LRCH3: variants seen among roughly 807,000 people sequenced by gnomAD.
LRCH3 encodes leucine rich repeats and calponin homology domain containing 3, also known as DISP complex protein LRCH3.
Under a neutral mutation model 104.5 loss-of-function variants are expected in LRCH3, and 68 were observed. The ratio of observed to expected loss-of-function variants is 0.65; its 90% CI spans 0.54 to 0.80. The LOEUF is 0.80. Ranked by LOEUF, LRCH3 falls within the 30% of genes least tolerant of loss-of-function variation. The probability of loss-of-function intolerance (pLI) is 0.00; values close to 1 mark genes in which losing one functional copy is unlikely to be tolerated. For synonymous variants in LRCH3, 344 were observed against 361.3 expected (o/e 0.95, Z 0.54); for missense variants, 951 against 953.9 (o/e 1.00, Z 0.04).
Position 197,835,690 on chromosome 3 carries a change from T to A in LRCH3, c.1119T>A (p.Asp373Glu). Residue 373 changes from aspartate to glutamate, a missense_variant, in exon 9 of 21, where the codon GAT becomes GAA. Physicochemically the swap from Asp to Glu is conservative, Grantham distance 45. Transcript: ENST00000425562. ...TGTATACAGTGGAACATGATCTGGATCAGATTGACTACATAGACAGCTGCA... is the reference window on the plus strand; with the variant it reads ...TGTATACAGTGGAACATGATCTGGAACAGATTGACTACATAGACAGCTGCA... The part of the protein sequence containing the change: ...VTNGGVEHDL[D>E]QIDYIDSCTA... 1 of 1,613,512 alleles carries A rather than the reference T, an allele frequency of 6.2e-7. No homozygotes were observed. The highest frequency in any genetic ancestry group is 8.5e-7 in the Non-Finnish European group (1 of 1,179,826).
At chr3:197,880,953 C>A in intron 20 of LRCH3, 1 of 1,387,418 alleles carries the variant, frequency 7.2e-7, no homozygotes, top group East Asian at 2.8e-5. Context: ...GTCATCCGTC[C>A]ATTCTCCTGG....
At chr3:197,832,737 T>C (rs1292011443) in intron 8 of LRCH3, among the ~76,000 whole-genome samples, 1 of 151,768 alleles carries the variant, frequency 6.6e-6, no homozygotes, top group Non-Finnish European at 1.5e-5. Flanking sequence ...AATTGTCAGA[T>C]GCTCTTCAAA....
intron 4 of LRCH3, 52 bp from the exon 5 acceptor site, chr3:197,826,826 C>A (rs1735256328): frequency 6.2e-7 from 1 of 1,602,592 alleles, no homozygotes; most frequent in Non-Finnish European, 8.5e-7. Flanking sequence ...TGTAAAAATT[C>A]TCTAGTTGTA....
intron 15 of LRCH3, among the ~76,000 whole-genome samples, chr3:197,862,135 A>G (rs144267050): frequency 0.027 from 4,081 of 152,206 alleles, 90 homozygotes; most frequent in East Asian, 0.058. Context: ...AGCTGCGATT[A>G]CAGGCGCATG....
At chr3:197,793,429 C>T (rs1197079433) in intron 1 of LRCH3, among the ~76,000 whole-genome samples, 2 of 152,142 alleles carry the variant, frequency 1.3e-5, no homozygotes, top group East Asian at 1.9e-4. Context: ...CTCAGATTTC[C>T]TGCTTCTGTT....
chr3:197,833,955 C>G (rs1397084433), intron 8 of LRCH3, among the ~76,000 whole-genome samples: 1 of 152,176 alleles, frequency 6.6e-6, no homozygotes, highest in Non-Finnish European at 1.5e-5. Context: ...AACTTAGAAC[C>G]TTTTCATCTT....
rs531324205 is a variant in LRCH3, at chr3:197,882,237, C to G, written c.2209-1304C>G. The G allele has an allele frequency of 8.1e-6, 8 of 985,322 alleles. No homozygotes were observed. The South Asian group carries it at 3.3e-4, about 41-fold the overall frequency. 61.0% of individuals were successfully genotyped at this position (985,322 alleles called of 1,614,324 possible). A position where few individuals can be genotyped will look rare whatever the true frequency, so the allele number is the denominator to read the frequency against. On this transcript the variant is annotated intron_variant, in intron 20 of 20. Transcript: ENST00000425562. The stretch of plus-strand genomic sequence containing the variant: ...TAGGGCGCTGCTGAGAGGAAGAGAC[C>G]AGGGAATCAGCCTTGGAGAAAGCAC...
intron 10 of LRCH3, among the ~76,000 whole-genome samples, chr3:197,844,702 C>T (rs1408920975): frequency 6.6e-6 from 1 of 152,124 alleles, no homozygotes; most frequent in Non-Finnish European, 1.5e-5. Context: ...ACTGCAACCT[C>T]CACCTCCCAG....
At chr3:197,814,122 G>A (rs1222895004) in intron 1 of LRCH3, among the ~76,000 whole-genome samples, 2 of 152,110 alleles carry the variant, frequency 1.3e-5, no homozygotes, top group East Asian at 1.9e-4. Flanking sequence ...AAAGACAGAC[G>A]TGAAACTGGG....
chr3:197,843,813 T>C (rs1419930922), intron 10 of LRCH3, among the ~76,000 whole-genome samples: 1 of 152,232 alleles, frequency 6.6e-6, no homozygotes, highest in Admixed American at 6.5e-5. Flanking sequence ...TTCCACACTT[T>C]TTCGGGAGAG....
chr3:197,877,510 A>T (rs1402658392), intron 20 of LRCH3, among the ~76,000 whole-genome samples: 2 of 73,536 alleles, frequency 2.7e-5, no homozygotes, highest in Non-Finnish European at 2.6e-5. Flanking sequence ...TCTTTACCCA[A>T]CTCACCGCAC....
At chr3:197,864,561 G>A (rs1265637865) in intron 15 of LRCH3, among the ~76,000 whole-genome samples, 2 of 147,172 alleles carry the variant, frequency 1.4e-5, no homozygotes, top group Non-Finnish European at 3.0e-5. Context: ...GGTGAGCTGA[G>A]ATCGTGCCAT....
chr3:197,878,723 C>A (rs942492797), intron 20 of LRCH3, among the ~76,000 whole-genome samples: 1 of 152,188 alleles, frequency 6.6e-6, no homozygotes, highest in Non-Finnish European at 1.5e-5. Flanking sequence ...AACGCACAAA[C>A]TCGTAGGTTC....
At chr3:197,826,021 G>C (rs1455648390) in intron 4 of LRCH3, among the ~76,000 whole-genome samples, 1 of 152,038 alleles carries the variant, frequency 6.6e-6, no homozygotes, top group African/African-American at 2.4e-5. Context: ...TAAAATACCT[G>C]TTTCTTCTGA....
chr3:197,880,876 AC>A, intron 20 of LRCH3: 1 of 1,440,044 alleles, frequency 6.9e-7, no homozygotes, highest in East Asian at 2.5e-5. Flanking sequence ...GCAGATGAGC[AC>A]CCCCTCACAT....
intron 1 of LRCH3, among the ~76,000 whole-genome samples, chr3:197,812,522 T>TTTTTTTTTTTTTTTTTTTTTG: frequency 7.3e-6 from 1 of 136,982 alleles, no homozygotes; most frequent in Admixed American, 7.7e-5. Context: ...TTTTTTTTTT[T>TTTTTTTTTTTTTTTTTTTTTG]TTTTTTTTAG....
chr3:197,799,595 G>T (rs1416068099), intron 1 of LRCH3, among the ~76,000 whole-genome samples: 1 of 152,086 alleles, frequency 6.6e-6, no homozygotes, highest in Admixed American at 6.5e-5. Context: ...GGCTAGGCGC[G>T]GTGGCTCATG....
Position 197,888,074 on chromosome 3 carries a change from A to G in LRCH3, c.*4408A>G, listed in dbSNP as rs1278908864. On this transcript the variant is annotated 3_prime_UTR_variant, in exon 21 of 21. Transcript: ENST00000425562. The stretch of plus-strand genomic sequence containing the variant: ...AATCAAGGAGTTTGCGATTTCTCTT[A>G]CTTTCTACAGCTCAGCAGTGACTAA... The G allele has an allele frequency of 6.6e-6, 1 of 152,226 alleles. No homozygotes were observed. The highest frequency in any genetic ancestry group is 1.5e-5 in the Non-Finnish European group (1 of 68,044). The allele number at this position is 152,226 out of a possible 1,614,324, so 9.4% of individuals were successfully genotyped here.
intron 15 of LRCH3, among the ~76,000 whole-genome samples, chr3:197,863,723 A>G (rs1580854478): frequency 6.6e-6 from 1 of 152,168 alleles, no homozygotes; most frequent in African/African-American, 2.4e-5. Context: ...CTTTTGGTCA[A>G]TGAATTGAAA....
Sources: allele counts gnomAD v4.1 joint callset (sites outside exome capture counted in the v4.1 genomes callset), GRCh38; gene constraint gnomAD v4.1.1; transcripts MANE v1.5; gene names NCBI Gene and HGNC (gene_info 2026-07-23, HGNC 2026-07-21).